The following KLHL1 variants were observed in gnomAD, a reference collection of about 807,000 sequenced individuals.
KLHL1 encodes kelch like family member 1, also known as kelch-like protein 1.
KLHL1 carries 47 observed loss-of-function variants against 77.7 expected under a neutral mutation model. That is an observed-to-expected ratio of 0.60 (90% confidence interval 0.48 to 0.77). The LOEUF is 0.77. KLHL1 is among the 30% of genes least tolerant of loss of function. The pLI is 0.00. For synonymous variants in KLHL1, 360 were observed against 325.2 expected, an observed-to-expected ratio of 1.11 and a Z score of -1.15; for missense variants, 925 against 910.8, an observed-to-expected ratio of 1.02 and a Z score of -0.20.
At chr13:69,816,852 G>C (rs1385664510) in intron 6 of KLHL1, among the ~76,000 whole-genome samples, 2 of 152,066 alleles carry the variant, frequency 1.3e-5, no homozygotes, top group African/African-American at 2.4e-5. Flanking sequence ...CAGCTATTCG[G>C]GAGGCTGAGG....
intron 10 of KLHL1, among the ~76,000 whole-genome samples, chr13:69,704,181 TTC>T (rs1487479418): frequency 1.4e-5 from 2 of 148,010 alleles, no homozygotes; most frequent in Admixed American, 6.7e-5. Context: ...AATGAATCCT[TTC>T]TGTTTTTTCA....
chr13:69,767,030 T>C (rs183404059), intron 7 of KLHL1, among the ~76,000 whole-genome samples: 30 of 152,156 alleles, frequency 2.0e-4, no homozygotes, highest in Admixed American at 1.2e-3. Context: ...AAAGTAGCAA[T>C]TGGTATTTTT....
chr13:70,074,252 G>A (rs897109268), intron 1 of KLHL1, among the ~76,000 whole-genome samples: 6 of 152,202 alleles, frequency 3.9e-5, no homozygotes, highest in Non-Finnish European at 5.9e-5. Context: ...GAGTAGGACT[G>A]TTTCATGTAG....
At chr13:69,848,865 C>A (rs1879574071) in intron 5 of KLHL1, among the ~76,000 whole-genome samples, 1 of 151,414 alleles carries the variant, frequency 6.6e-6, no homozygotes, top group Non-Finnish European at 1.5e-5. Flanking sequence ...GTAGAGCTCA[C>A]AAAATTAACC....
At chr13:69,829,233 T>C (rs1232877269) in intron 6 of KLHL1, among the ~76,000 whole-genome samples, 1 of 149,932 alleles carries the variant, frequency 6.7e-6, no homozygotes, top group Non-Finnish European at 1.5e-5. Context: ...CTGTTGTGTA[T>C]GGCTGAGAGA....
intron 6 of KLHL1, among the ~76,000 whole-genome samples, chr13:69,809,740 CAT>C (rs1177597222): frequency 6.6e-6 from 1 of 151,746 alleles, no homozygotes; most frequent in African/African-American, 2.4e-5. Context: ...ATTTAAAAGA[CAT>C]AGAGAGGTAA....
intron 4 of KLHL1, among the ~76,000 whole-genome samples, chr13:69,909,297 G>A (rs182800233): frequency 1.3e-5 from 2 of 151,904 alleles, no homozygotes; most frequent in African/African-American, 2.4e-5. Context: ...CAGATGCAGA[G>A]AGGATGTATG....
At chr13:70,058,470 C>T (rs1466263747) in intron 1 of KLHL1, among the ~76,000 whole-genome samples, 1 of 152,040 alleles carries the variant, frequency 6.6e-6, no homozygotes, top group African/African-American at 2.4e-5. Flanking sequence ...ATACTAATCC[C>T]ACATATAGTA....
At chr13:69,819,580 C>T (rs1878254308) in intron 6 of KLHL1, among the ~76,000 whole-genome samples, 1 of 151,006 alleles carries the variant, frequency 6.6e-6, no homozygotes, top group Non-Finnish European at 1.5e-5. Context: ...AGTAATTGAC[C>T]TATGGCTGTA....
At chr13:69,922,162 G>A (rs933686815) in intron 4 of KLHL1, among the ~76,000 whole-genome samples, 8 of 151,882 alleles carry the variant, frequency 5.3e-5, no homozygotes, top group African/African-American at 1.9e-4. Flanking sequence ...ACCCAGGCTG[G>A]TCTCTAACTC....
intron 1 of KLHL1, among the ~76,000 whole-genome samples, chr13:70,013,315 C>A (rs1235054723): frequency 6.6e-6 from 1 of 152,172 alleles, no homozygotes; most frequent in Non-Finnish European, 1.5e-5. Context: ...GAGAACCCGT[C>A]AGCAAATACC....
chr13:70,005,753 A>C (rs1885391053), intron 1 of KLHL1, among the ~76,000 whole-genome samples: 2 of 152,078 alleles, frequency 1.3e-5, no homozygotes, highest in African/African-American at 4.8e-5. Context: ...TATCAAAACA[A>C]GAATAAATAC....
intron 1 of KLHL1, among the ~76,000 whole-genome samples, chr13:70,030,449 C>T (rs553558293): frequency 1.3e-5 from 2 of 152,258 alleles, no homozygotes; most frequent in Admixed American, 6.5e-5. Context: ...TCACTCAAAA[C>T]CACTCAACTA....
intron 6 of KLHL1, among the ~76,000 whole-genome samples, chr13:69,805,814 T>C (rs1250657035): frequency 6.6e-6 from 1 of 151,294 alleles, no homozygotes; most frequent in East Asian, 1.9e-4. Context: ...ATTTATTATA[T>C]AACATTTAAT....
chr13:69,761,588 A>T (rs1450305189), intron 7 of KLHL1, among the ~76,000 whole-genome samples: 1 of 152,152 alleles, frequency 6.6e-6, no homozygotes, highest in African/African-American at 2.4e-5. Context: ...ACTATGCCAG[A>T]TTTTCATGCT....
chr13:69,877,463 A>C (rs913321453), intron 5 of KLHL1, among the ~76,000 whole-genome samples: 1 of 150,152 alleles, frequency 6.7e-6, no homozygotes, highest in African/African-American at 2.5e-5. Flanking sequence ...TAAGTAAACT[A>C]TATATATATA....
intron 1 of KLHL1, among the ~76,000 whole-genome samples, chr13:70,084,104 A>C (rs1270554988): frequency 6.6e-6 from 1 of 152,198 alleles, no homozygotes; most frequent in East Asian, 1.9e-4. Flanking sequence ...TTTAATGCAA[A>C]AATTTAAAGT....
At chr13:69,845,806 C>T (rs1486280419) in intron 5 of KLHL1, among the ~76,000 whole-genome samples, 1 of 151,134 alleles carries the variant, frequency 6.6e-6, no homozygotes, top group African/African-American at 2.4e-5. Flanking sequence ...AGTGGAGTTA[C>T]GATGGAATAC....
intron 1 of KLHL1, among the ~76,000 whole-genome samples, chr13:69,996,887 A>G (rs947391308): frequency 1.4e-5 from 2 of 140,198 alleles, no homozygotes; most frequent in African/African-American, 5.4e-5. Flanking sequence ...GCCTTTATGA[A>G]AAGTTCTTAT....
Sources: allele counts gnomAD v4.1 joint callset (sites outside exome capture counted in the v4.1 genomes callset), GRCh38; gene constraint gnomAD v4.1.1; transcripts MANE v1.5; gene names NCBI Gene and HGNC (gene_info 2026-07-23, HGNC 2026-07-21).